ANO9: variants seen among roughly 807,000 people sequenced by gnomAD.
The protein encoded by ANO9 is anoctamin 9.
Under a neutral mutation model 100.5 loss-of-function variants are expected in ANO9, and 80 were observed. The observed-to-expected ratio is 0.80, with a 90% CI of 0.66 to 0.96. The LOEUF is 0.96. ANO9 is among the 40% of genes least tolerant of loss of function. The pLI is 0.00. For synonymous variants in ANO9, 473 were observed against 435.6 expected (o/e 1.09, Z -1.07); for missense variants, 1,064 against 1,072.7 (o/e 0.99, Z 0.11).
At chr11:431,971 CCT>C (rs1564924584) in intron 5 of ANO9, 26 bp downstream of exon 5, 2 of 1,612,652 alleles carry the variant, frequency 1.2e-6, no homozygotes, top group South Asian at 1.1e-5. Flanking sequence ...CCGCAGCGCC[CCT>C]GTCAGTGCCC....
chr11:430,802 G>T (rs1304008836), intron 7 of ANO9, among the ~76,000 whole-genome samples: 13 of 76,964 alleles, frequency 1.7e-4, no homozygotes, highest in African/African-American at 7.4e-4. Context: ...TGGATGTCTG[G>T]GGGGTGTGGG....
At chr11:439,137 G>T (rs1298730259) in intron 1 of ANO9, among the ~76,000 whole-genome samples, 1 of 152,186 alleles carries the variant, frequency 6.6e-6, no homozygotes, top group East Asian at 1.9e-4. Context: ...GAAGAAGGTG[G>T]ACAGAACCAC....
intron 3 of ANO9, 79 bp downstream of exon 3, chr11:433,735 GC>G: frequency 6.7e-7 from 1 of 1,484,356 alleles, no homozygotes; most frequent in Non-Finnish European, 9.0e-7. Context: ...CTGGGCACCC[GC>G]CCCAGCCCCA....
At position 430,082 on chromosome 11, in the gene ANO9, C is replaced by T; in HGVS notation, c.771+1G>A. ...CTGGGGTGGACCCGGAGGCGACAAACCTTGGCAAAAGTGCAGGTTTCCGAG... is the reference window on the plus strand; with the variant it reads ...CTGGGGTGGACCCGGAGGCGACAAATCTTGGCAAAAGTGCAGGTTTCCGAG... On this transcript the variant is annotated splice_donor_variant, in intron 9 of 22. Coordinates refer to ENST00000332826, the MANE Select transcript of ANO9 (RefSeq NM_001012302.3). LOFTEE classifies it high-confidence loss of function. The T allele has an allele frequency of 6.5e-7, 1 of 1,550,290 alleles. No individual in the cohort carries two copies. Among genetic ancestry groups the T allele is most frequent in the Non-Finnish European group, 8.7e-7 (1 of 1,147,252 alleles).
chr11:420,773 G>A lies in ANO9; in HGVS notation c.1578C>T (p.Asn526=), dbSNP rs1848128374. Residue 526 remains asparagine, a synonymous_variant, in exon 18 of 23, where the codon AAC becomes AAT. Coordinates refer to ENST00000332826, the MANE Select transcript of ANO9 (RefSeq NM_001012302.3). Reference sequence around the variant, plus strand: ...AGGTGTTGACCGGGTTCAGAAGGTAGTTGCGCCGCCAGTCCCTGAGCTCGG... The same window carrying A: ...AGGTGTTGACCGGGTTCAGAAGGTAATTGCGCCGCCAGTCCCTGAGCTCGG... ...RDPELRDWRR[N]YLLNPVNTFS... 6 of 1,603,062 alleles carry A rather than the reference G, an allele frequency of 3.7e-6. No homozygotes were observed. The East Asian group carries it at 1.3e-4, about 36-fold the overall frequency.
intron 7 of ANO9, 41 bp from the exon 8 acceptor site, chr11:430,444 TG>T: frequency 9.3e-6 from 8 of 860,020 alleles, no homozygotes; most frequent in African/African-American, 4.5e-5. Context: ...CAGGGGGCGG[TG>T]GGGGAGGGAC....
rs1848153734 is a variant in ANO9 at position 421,072 on chromosome 11, AG to A, written c.1393-31del. The A allele has an allele frequency of 6.3e-7, 1 of 1,592,014 alleles. No individual in the cohort carries two copies. Among genetic ancestry groups the A allele is most frequent in the African/African-American group, 1.3e-5 (1 of 74,666 alleles). On this transcript the variant is annotated intron_variant, in intron 16 of 22. Transcript: ENST00000332826. The surrounding 1 kb of genome is among the most constrained non-coding windows in gnomAD (Gnocchi z 6.8). ...GGGGCCAGACAGGAGGAGATCAGGG[AG>A]GGGTCCTGGGGGACGGTCAGGGGAG...
Position 433,345 on chromosome 11 carries a change from C to T in ANO9, c.319G>A (p.Ala107Thr). The T allele has an allele frequency of 6.2e-7, 1 of 1,612,860 alleles. No homozygotes were observed. ...PEGPAPHAEL[A>T]APTTIPVTTS... Reference sequence around the variant, plus strand: ...GTGACCGGGATGGTGGTCGGCGCGGCCAGCTCGGCGTGGGGGGCAGGCCCC... The same window carrying T: ...GTGACCGGGATGGTGGTCGGCGCGGTCAGCTCGGCGTGGGGGGCAGGCCCC... Residue 107 changes from alanine (A) to threonine (T), a missense_variant, in exon 4 of 23, where the codon GCC becomes ACC. Transcript: ENST00000332826.
rs1309387788 is a variant in ANO9, at chr11:421,437, G to A, written c.1335-239C>T. 1.5e-5 allele frequency among the ~76,000 whole-genome samples: 2 copies of A among 134,968 alleles called. No individual in the cohort carries two copies. The highest frequency in any genetic ancestry group is 3.2e-5 in the Non-Finnish European group (2 of 62,722). The allele number at this position is 134,968 out of a possible 152,430, so 88.5% of individuals were successfully genotyped here. ...AGATGAACCGCACCCACACGTGGGC[G>A]CGCGCACACACACACACACCCCCAC... On this transcript the variant is annotated intron_variant, in intron 15 of 22. Coordinates refer to ENST00000332826, the MANE Select transcript of ANO9 (RefSeq NM_001012302.3). This position sits in a 1 kb window ranked among gnomAD's most constrained non-coding sequence, Gnocchi z 6.8.
chr11:441,009 G>T (rs1845832738), intron 1 of ANO9, among the ~76,000 whole-genome samples: 1 of 152,374 alleles, frequency 6.6e-6, no homozygotes, highest in East Asian at 1.9e-4. Flanking sequence ...CCCCAGCATG[G>T]GAGGAAGGGG....
rs577739227 is a variant in ANO9 at position 420,560 on chromosome 11, C to T, written c.1689G>A (p.Leu563=). 6.2e-5 allele frequency: 99 copies of T among 1,605,364 alleles called. No homozygotes were observed. The South Asian group carries it at 1.1e-3, about 17-fold the overall frequency. Residue 563 remains leucine, a synonymous_variant, in exon 19 of 23, where the codon CTG becomes CTA. Transcript: ENST00000332826. ...IFVAAFPLAP[L]LALFSNLVEI... The stretch of plus-strand genomic sequence containing the variant: ...CCACGAGGTTGCTGAAGAGCGCGAG[C>T]AGCGGCGCCAGCGGGAAGGCGGCCA...
chr11:429,882 A>T, intron 9 of ANO9, 64 bp from the exon 10 acceptor site: 1 of 1,002,408 alleles, frequency 1.0e-6, no homozygotes, highest in Non-Finnish European at 1.3e-6. Flanking sequence ...CAGGTGAGCC[A>T]GGGAGGGAGG....
At chr11:419,293 G>A (rs1276096692) in intron 20 of ANO9, 10 of 1,409,970 alleles carry the variant, frequency 7.1e-6, no homozygotes, top group East Asian at 5.2e-5. Context: ...GAGGACATGC[G>A]GAACCTCACA....
rs181550038 is a variant in ANO9, at chr11:431,745, G to A, written c.488C>T (p.Thr163Met). Reference protein sequence around the residue: ...LHKGEGRLKKTWARWRHMFRE... With the variant: ...LHKGEGRLKKMWARWRHMFRE... Reference sequence around the variant, plus strand: ...GAACATGTGTCTCCACCGCGCCCACGTCTTCTTCAGGCGTCCCTCCCCCTG... The same window carrying A: ...GAACATGTGTCTCCACCGCGCCCACATCTTCTTCAGGCGTCCCTCCCCCTG... Residue 163 changes from threonine to methionine, a missense_variant, in exon 7 of 23, where the codon ACG (threonine) becomes ATG (methionine). By Grantham distance (81) the Thr-to-Met change is moderately conservative. Transcript: ENST00000332826. 5.0e-6 allele frequency: 8 copies of A among 1,612,640 alleles called. No homozygotes were observed. In the South Asian group the frequency reaches 5.5e-5, roughly 11 times the overall value.
At chr11:420,014 T>C in intron 19 of ANO9, 1 of 1,349,146 alleles carries the variant, frequency 7.4e-7, no homozygotes, top group Non-Finnish European at 9.5e-7. Context: ...ACCTCCTGGG[T>C]TCCCACCCCA....
In ANO9 at chr11:418,204, C is replaced by T. The variant is rs972972168; in HGVS notation, c.*167G>A. 4.2e-5 allele frequency: 29 copies of T among 694,680 alleles called. No homozygotes were observed. Among genetic ancestry groups the T allele is most frequent in the Non-Finnish European group, 5.9e-5 (25 of 426,460 alleles). 43.0% of individuals were successfully genotyped at this position (694,680 alleles called of 1,614,324 possible). A position where few individuals can be genotyped will look rare whatever the true frequency, so the allele number is the denominator to read the frequency against. ...AGAGCCCCCACAAAGACGGAGCAGG[C>T]GGAATAGGGTGGCAGCTCACAGCCC... On this transcript the variant is annotated 3_prime_UTR_variant, in exon 23 of 23. Coordinates refer to ENST00000332826, the MANE Select transcript of ANO9 (RefSeq NM_001012302.3).
In ANO9 at chr11:433,935, G is replaced by T. The variant is rs773100695; in HGVS notation, c.84C>A (p.Thr28=). 1 of 1,560,362 alleles carries T rather than the reference G, an allele frequency of 6.4e-7. No individual in the cohort carries two copies. Among genetic ancestry groups the T allele is most frequent in the Admixed American group, 1.9e-5 (1 of 51,362 alleles). The change falls in exon 3 of 23, where the codon ACC becomes ACA. Residue 28 remains threonine (T), a splice_region_variant and synonymous_variant. Coordinates refer to ENST00000332826, the MANE Select transcript of ANO9 (RefSeq NM_001012302.3). The part of the protein sequence containing the change: ...FPLMEISTCE[T]EASEQWDYVL... ...CATAGTCCCACTGCTCGGAGGCCTCGGTCTGCAGGGAGGAGGCATGGGGCC... is the reference window on the plus strand; with the variant it reads ...CATAGTCCCACTGCTCGGAGGCCTCTGTCTGCAGGGAGGAGGCATGGGGCC...
intron 15 of ANO9, among the ~76,000 whole-genome samples, chr11:423,082 C>T (rs1282202773): frequency 6.6e-6 from 1 of 152,208 alleles, no homozygotes; most frequent in Non-Finnish European, 1.5e-5. Flanking sequence ...CCCACCTCGG[C>T]CTCCCAAAGT....
chr11:434,990 C>T (rs1337525652), intron 1 of ANO9, among the ~76,000 whole-genome samples: 1 of 152,216 alleles, frequency 6.6e-6, no homozygotes, highest in Non-Finnish European at 1.5e-5. Flanking sequence ...TCTCACTTGA[C>T]TGCTTGAGCC....
Sources: allele counts gnomAD v4.1 joint callset (sites outside exome capture counted in the v4.1 genomes callset), GRCh38; gene constraint gnomAD v4.1.1; non-coding constraint Gnocchi (gnomAD v3.1); transcripts MANE v1.5; gene names NCBI Gene and HGNC (gene_info 2026-07-23, HGNC 2026-07-21).